Variants in ANKMY2 observed in about 807,000 individuals in gnomAD.
ANKMY2 encodes ankyrin repeat and MYND domain containing 2.
In ANKMY2, 36 loss-of-function variants were observed where a neutral mutation model predicts 50.4. The observed-to-expected ratio is 0.71, with a 90% confidence interval of 0.55 to 0.94. The LOEUF is 0.94. Ranked by LOEUF, ANKMY2 falls within the 40% of genes least tolerant of loss-of-function variation. The probability of loss-of-function intolerance (pLI) is 0.00; values close to 1 mark genes in which losing one functional copy is unlikely to be tolerated. For missense variants in ANKMY2, 565 were observed against 524.0 expected (o/e 1.08, Z -0.76); for synonymous variants, 187 against 178.8 (o/e 1.05, Z -0.36).
chr7:16,634,472 C>T (rs1416500759), intron 2 of ANKMY2, among the ~76,000 whole-genome samples: 1 of 152,086 alleles, frequency 6.6e-6, no homozygotes, highest in East Asian at 1.9e-4. Context: ...TCCAGGGTCA[C>T]CAAGTTGGCT....
intron 9 of ANKMY2, among the ~76,000 whole-genome samples, chr7:16,601,831 A>ACAAAACCT (rs1376122954): frequency 1.3e-5 from 2 of 152,218 alleles, no homozygotes; most frequent in Non-Finnish European, 2.9e-5. Flanking sequence ...AAAATGGGTC[A>ACAAAACCT]CAAAACCTCA....
chr7:16,629,943 T>C (rs1231921652), intron 2 of ANKMY2, among the ~76,000 whole-genome samples: 7 of 152,158 alleles, frequency 4.6e-5, no homozygotes, highest in African/African-American at 1.7e-4. Context: ...CACCATGCTA[T>C]AAATTTTCTA....
At chr7:16,607,899 G>T (rs543499305) in intron 7 of ANKMY2, among the ~76,000 whole-genome samples, 1 of 152,090 alleles carries the variant, frequency 6.6e-6, no homozygotes, top group African/African-American at 2.4e-5. Context: ...AATTTTCCTG[G>T]ACTCCTGTGT....
At chr7:16,632,472 T>A (rs1486405871) in intron 2 of ANKMY2, among the ~76,000 whole-genome samples, 1 of 152,176 alleles carries the variant, frequency 6.6e-6, no homozygotes, top group Non-Finnish European at 1.5e-5. Flanking sequence ...AATTTGCCTA[T>A]TTTTGGTATT....
chr7:16,631,490 G>A (rs573828794), intron 2 of ANKMY2, among the ~76,000 whole-genome samples: 1 of 152,150 alleles, frequency 6.6e-6, no homozygotes, highest in African/African-American at 2.4e-5. Flanking sequence ...AGAATTAACT[G>A]GTCCTTAAAG....
intron 1 of ANKMY2, among the ~76,000 whole-genome samples, chr7:16,642,869 G>C (rs1781764012): frequency 6.6e-6 from 1 of 152,112 alleles, no homozygotes. Flanking sequence ...ATATTGTATG[G>C]ACTGCTATGG....
rs775110816 is a variant in ANKMY2, at chr7:16,609,710, T to A, written c.802A>T (p.Arg268Ter). 1.9e-6 allele frequency: 3 copies of A among 1,612,596 alleles called. No homozygotes were observed. Among genetic ancestry groups the A allele is most frequent in the Non-Finnish European group, 2.5e-6 (3 of 1,179,606 alleles). ...GFPVYQEKII[R>*]ESIRKFPYCE... ...TAAGGAAATTTTCTGATACTTTCTC[T>A]AATGATCTTTTCTTGATACACTGGA... The change falls in exon 7 of 10, where the codon AGA becomes TGA. Residue 268 changes from arginine (R) to a stop codon, truncating the protein, a stop_gained. Coordinates refer to ENST00000306999, the MANE Select transcript of ANKMY2 (RefSeq NM_020319.3). LOFTEE classifies it high-confidence loss of function.
chr7:16,624,579 C>T (rs935291395), intron 4 of ANKMY2, among the ~76,000 whole-genome samples: 2 of 152,168 alleles, frequency 1.3e-5, no homozygotes, highest in African/African-American at 4.8e-5. Context: ...CACAATAACC[C>T]TGTAACATTT....
intron 7 of ANKMY2, among the ~76,000 whole-genome samples, chr7:16,607,093 A>T (rs781450773): frequency 9.2e-5 from 14 of 152,234 alleles, no homozygotes; most frequent in Non-Finnish European, 1.8e-4. Context: ...GGCAGTAAAC[A>T]ATGGCTGTGA....
At chr7:16,613,912 C>A (rs527413162) in intron 5 of ANKMY2, among the ~76,000 whole-genome samples, 1 of 139,586 alleles carries the variant, frequency 7.2e-6, no homozygotes, top group African/African-American at 2.7e-5. Flanking sequence ...CAGAGCAAGA[C>A]CCTATCTCAA....
At chr7:16,634,533 T>C (rs962356312) in intron 2 of ANKMY2, among the ~76,000 whole-genome samples, 1 of 152,130 alleles carries the variant, frequency 6.6e-6, no homozygotes, top group African/African-American at 2.4e-5. Context: ...AGAAAGGGAA[T>C]TCTAAAGATC....
chr7:16,616,006 C>A, intron 4 of ANKMY2, 102 bp from the exon 5 acceptor site: 1 of 1,117,184 alleles, frequency 9.0e-7, no homozygotes, highest in Non-Finnish European at 1.2e-6. Flanking sequence ...TAAACATGCA[C>A]CAATATCTTT....
At chr7:16,608,712 G>A (rs1384498845) in intron 7 of ANKMY2, among the ~76,000 whole-genome samples, 1 of 152,124 alleles carries the variant, frequency 6.6e-6, no homozygotes, top group Non-Finnish European at 1.5e-5. Flanking sequence ...ATTCAAAATA[G>A]AAAAGGTGGC....
In ANKMY2 at chr7:16,600,508, G is replaced by A. The variant is rs1218179299; in HGVS notation, c.*253C>T. The A allele has an allele frequency of 6.4e-6, 2 of 310,132 alleles. No individual in the cohort carries two copies. The highest frequency in any genetic ancestry group is 5.0e-5 in the Admixed American group (1 of 19,938). The allele number at this position is 310,132 out of a possible 1,614,324, so 19.2% of individuals were successfully genotyped here. ...ATTGCTGGAAAGCCAGCCTCAGAAA[G>A]GTAATAGGAATGTTTTTCCTGTATT... On this transcript the variant is annotated 3_prime_UTR_variant, in exon 10 of 10. Transcript: ENST00000306999.
chr7:16,616,570 GCGC>G (rs1305269301), intron 4 of ANKMY2, among the ~76,000 whole-genome samples: 1 of 100,786 alleles, frequency 9.9e-6, no homozygotes, highest in African/African-American at 4.1e-5. Context: ...TGCTCCTGCG[GCGC>G]CCCCCCCTCC....
chr7:16,614,160 T>C (rs1474019109), intron 5 of ANKMY2, among the ~76,000 whole-genome samples: 1 of 152,192 alleles, frequency 6.6e-6, no homozygotes, highest in Non-Finnish European at 1.5e-5. Context: ...AGCCAGCCCA[T>C]GCCTGAGAGA....
intron 4 of ANKMY2, among the ~76,000 whole-genome samples, chr7:16,620,080 T>C (rs1051438862): frequency 6.6e-6 from 1 of 152,232 alleles, no homozygotes; most frequent in African/African-American, 2.4e-5. Flanking sequence ...TTAATAGTTT[T>C]GTCATGATGG....
rs745737078 is a variant in ANKMY2, at chr7:16,615,862, C to T, written c.413G>A (p.Arg138Gln). The T allele has an allele frequency of 5.6e-6, 9 of 1,613,692 alleles. No individual in the cohort carries two copies. Among genetic ancestry groups the T allele is most frequent in the East Asian group, 4.5e-5 (2 of 44,876 alleles). Residue 138 changes from arginine (R) to glutamine (Q), a missense_variant, in exon 5 of 10, where the codon CGA becomes CAA. Transcript: ENST00000306999. ...CVTIINNFFP[R>Q]ERLDYYTKPQ... ...CTTAGTGTAATAATCCAGTCTCTCT[C>T]GAGGAAAGAAATTGTTGATTATGGT...
At chr7:16,610,179 G>GT (rs1781224313) in intron 6 of ANKMY2, among the ~76,000 whole-genome samples, 1 of 152,152 alleles carries the variant, frequency 6.6e-6, no homozygotes, top group Non-Finnish European at 1.5e-5. Context: ...CCAAGATACA[G>GT]TAACAGAGAC....
Sources: allele counts gnomAD v4.1 joint callset (sites outside exome capture counted in the v4.1 genomes callset), GRCh38; gene constraint gnomAD v4.1.1; transcripts MANE v1.5; gene names NCBI Gene and HGNC (gene_info 2026-07-23, HGNC 2026-07-21).